Variants in SDK1 observed in about 807,000 individuals in gnomAD.
SDK1 encodes the protein protein sidekick-1.
In SDK1, 157 loss-of-function variants were observed where a neutral mutation model predicts 245.5. The ratio of observed to expected loss-of-function variants is 0.64; its 90% CI spans 0.56 to 0.73. SDK1 has a LOEUF of 0.73. Ranked by LOEUF, SDK1 falls within the 30% of genes least tolerant of loss-of-function variation. The pLI, the probability that SDK1 is intolerant of heterozygous loss-of-function variation, is 0.00. For missense variants in SDK1, 3,583 were observed against 3,002.3 expected, an observed-to-expected ratio of 1.19 and a Z score of -4.52; for synonymous variants, 1,647 against 1,278.5, an observed-to-expected ratio of 1.29 and a Z score of -6.15.
chr7:3,921,200 T>TA lies in SDK1; in HGVS notation c.848-29717dup, dbSNP rs1779572640. ...CATTTTCATTCATGTCTCATACAAA[T>TA]AAAAAATACATTTTTTAGCAAAATG... On this transcript the variant is annotated intron_variant, in intron 5 of 44. Transcript: ENST00000404826. 2.6e-5 allele frequency among the ~76,000 whole-genome samples: 4 copies of TA among 152,174 alleles called. No individual in the cohort carries two copies. In the South Asian group the frequency reaches 8.3e-4, roughly 32 times the overall value.
Position 3,328,138 on chromosome 7 carries a change from A to G in SDK1, c.298+26254A>G, listed in dbSNP as rs374178811. Among the ~76,000 whole-genome samples, 11 of 152,274 alleles carry G rather than the reference A, an allele frequency of 7.2e-5. 1 individual carries two copies. In the East Asian group the frequency reaches 1.7e-3, roughly 24 times the overall value. On this transcript the variant is annotated intron_variant, in intron 1 of 44. Transcript: ENST00000404826. ...CTGCCCGAAGATAATTGGGAAGAATAATGTGGAAATCTGTAGTTGAAATAT... is the reference window on the plus strand; with the variant it reads ...CTGCCCGAAGATAATTGGGAAGAATGATGTGGAAATCTGTAGTTGAAATAT...
chr7:3,794,251 C>G (rs897406638), intron 4 of SDK1, among the ~76,000 whole-genome samples: 1 of 152,152 alleles, frequency 6.6e-6, no homozygotes, highest in Non-Finnish European at 1.5e-5. Context: ...TGTCCCTTCC[C>G]ACATCTCCTG....
chr7:3,775,312 C>G (rs1780520943), intron 4 of SDK1, among the ~76,000 whole-genome samples: 1 of 152,172 alleles, frequency 6.6e-6, no homozygotes, highest in Non-Finnish European at 1.5e-5. Context: ...AAGTCAAAAG[C>G]AATGGAATAG....
At position 4,138,696 on chromosome 7, in the gene SDK1, C is replaced by T. The variant is rs10234429; in HGVS notation, c.4228+6273C>T. Among the ~76,000 whole-genome samples the T allele has an allele frequency of 4.7e-3, 702 of 147,810 alleles. 7 individuals are homozygous for T. Among genetic ancestry groups the T allele is most frequent in the African/African-American group, 0.017 (670 of 39,630 alleles). ...TGGGAGGCAGAGGTTGCAGTATAGC[C>T]GAGATCATACCATTACACTCCAGCC... On this transcript the variant is annotated intron_variant, in intron 28 of 44. Transcript: ENST00000404826.
chr7:4,143,594 C>G (rs919055366), intron 28 of SDK1, among the ~76,000 whole-genome samples: 6 of 152,332 alleles, frequency 3.9e-5, no homozygotes, highest in African/African-American at 7.2e-5. Flanking sequence ...AGGTGCACCC[C>G]CAAAGGTGTG....
At chr7:3,410,155 A>G (rs1238921913) in intron 1 of SDK1, among the ~76,000 whole-genome samples, 1 of 152,248 alleles carries the variant, frequency 6.6e-6, no homozygotes, top group Non-Finnish European at 1.5e-5. Flanking sequence ...CCCTTTGGAA[A>G]GAGGTATTAT....
At chr7:4,036,312 C>T (rs1207987177) in intron 17 of SDK1, among the ~76,000 whole-genome samples, 2 of 152,058 alleles carry the variant, frequency 1.3e-5, no homozygotes, top group East Asian at 3.8e-4. Context: ...CTTTTTATTT[C>T]TTTGACAAAA....
intron 25 of SDK1, among the ~76,000 whole-genome samples, chr7:4,120,929 T>A (rs56878968): frequency 0.11 from 15,010 of 141,324 alleles, 1,277 homozygotes; most frequent in African/African-American, 0.23. Flanking sequence ...AACACTCTTT[T>A]AAAAAAAAAA....
chr7:3,733,147 A>G (rs1288230306), intron 4 of SDK1, among the ~76,000 whole-genome samples: 2 of 152,232 alleles, frequency 1.3e-5, no homozygotes, highest in Non-Finnish European at 2.9e-5. Context: ...AACGTTAGGT[A>G]ACTATGGATG....
chr7:3,836,999 C>G (rs142885907), intron 5 of SDK1, among the ~76,000 whole-genome samples: 1 of 152,074 alleles, frequency 6.6e-6, no homozygotes, highest in Admixed American at 6.6e-5. Flanking sequence ...CTTTAGAGAG[C>G]TCTGGTGTCT....
chr7:3,379,114 A>G (rs547759501), intron 1 of SDK1, among the ~76,000 whole-genome samples: 5 of 152,166 alleles, frequency 3.3e-5, no homozygotes, highest in East Asian at 1.9e-4. Context: ...GGTTCCTTCT[A>G]TTTCTTTAGA....
rs191012614 is a variant in SDK1, at chr7:3,363,327, C to T, written c.298+61443C>T. On this transcript the variant is annotated intron_variant, in intron 1 of 44. Transcript: ENST00000404826. Reference sequence around the variant, plus strand: ...CATTTCTTTTTTATTAAGTAGTGTTCCATGGAAACTGTGTACCACAGATTG... The same window carrying T: ...CATTTCTTTTTTATTAAGTAGTGTTTCATGGAAACTGTGTACCACAGATTG... 5.9e-5 allele frequency among the ~76,000 whole-genome samples: 9 copies of T among 151,786 alleles called. No homozygotes were observed. The East Asian group carries it at 1.6e-3, about 26-fold the overall frequency.
intron 5 of SDK1, among the ~76,000 whole-genome samples, chr7:3,918,816 A>T (rs1035062613): frequency 1.3e-5 from 2 of 151,930 alleles, no homozygotes; most frequent in African/African-American, 4.8e-5. Context: ...TTCCTGTCTT[A>T]GTTGGCCCCA....
chr7:3,573,781 T>C (rs1385431092), intron 1 of SDK1, among the ~76,000 whole-genome samples: 2 of 151,922 alleles, frequency 1.3e-5, no homozygotes, highest in South Asian at 2.1e-4. Flanking sequence ...TTTTGACCCT[T>C]CCTTTTCTAA....
intron 4 of SDK1, among the ~76,000 whole-genome samples, chr7:3,701,322 A>T (rs571331379): frequency 1.3e-5 from 2 of 152,232 alleles, no homozygotes; most frequent in Non-Finnish European, 2.9e-5. Context: ...CGTGTTCAAC[A>T]TGTCCATGTC....
rs769521919 is a variant in SDK1, at chr7:4,066,119, C to T, written c.2912-1719C>T. Among the ~76,000 whole-genome samples, 76 of 152,204 alleles carry T rather than the reference C, an allele frequency of 5.0e-4. 1 individual carries two copies. Among genetic ancestry groups the T allele is most frequent in the African/African-American group, 1.8e-3 (73 of 41,526 alleles). On this transcript the variant is annotated intron_variant, in intron 19 of 44. Coordinates refer to ENST00000404826, the MANE Select transcript of SDK1 (RefSeq NM_152744.4). ...TACATACAGAAACTGACGGATGTCT[C>T]GTCTCTTCTCCATCATTCTTTTCCT... is the stretch of plus-strand genomic sequence containing the variant.
At chr7:3,653,211 A>G (rs976081310) in intron 4 of SDK1, among the ~76,000 whole-genome samples, 13 of 152,186 alleles carry the variant, frequency 8.5e-5, no homozygotes, top group African/African-American at 2.7e-4. Flanking sequence ...TAGGTGACAC[A>G]TAGCTTCGTG....
chr7:4,208,382 C>A, intron 37 of SDK1, 97 bp downstream of exon 37: 1 of 1,159,520 alleles, frequency 8.6e-7, no homozygotes. Flanking sequence ...CCCGGCCCGC[C>A]CAGGCGGAAG....
At chr7:4,103,054 G>T (rs1422945848) in intron 22 of SDK1, among the ~76,000 whole-genome samples, 3 of 147,044 alleles carry the variant, frequency 2.0e-5, no homozygotes, top group African/African-American at 7.6e-5. Context: ...AGGCTGGAGT[G>T]TAGTGGTGCG....
Sources: allele counts gnomAD v4.1 joint callset (sites outside exome capture counted in the v4.1 genomes callset), GRCh38; gene constraint gnomAD v4.1.1; transcripts MANE v1.5; gene names NCBI Gene and HGNC (gene_info 2026-07-23, HGNC 2026-07-21).